PPP2R5B: variants seen among roughly 807,000 people sequenced by gnomAD.
PPP2R5B encodes the protein protein phosphatase 2 regulatory subunit B'beta, also known as serine/threonine-protein phosphatase 2A 56 kDa regulatory subunit beta isoform.
A neutral mutation model predicts 59.9 loss-of-function variants in PPP2R5B; 19 were observed. The ratio of observed to expected loss-of-function variants is 0.32; its 90% CI spans 0.22 to 0.47. The LOEUF is 0.47. Ranked by LOEUF, PPP2R5B falls within the 20% of genes least tolerant of loss-of-function variation. The pLI is 1.00. For synonymous variants in PPP2R5B, 286 were observed against 260.5 expected, an observed-to-expected ratio of 1.10 and a Z score of -0.94; for missense variants, 441 against 640.2, an observed-to-expected ratio of 0.69 and a Z score of 3.36.
chr11:64,933,622 G>C (rs1298371207), intron 13 of PPP2R5B, 75 bp from the exon 14 acceptor site: 2 of 1,464,668 alleles, frequency 1.4e-6, no homozygotes, highest in African/African-American at 2.9e-5. Flanking sequence ...GTGGTAGTGA[G>C]GGAGTCTGGA....
chr11:64,919,079 G>A (rs887745658), intron 1 of PPP2R5B, among the ~76,000 whole-genome samples: 2 of 152,294 alleles, frequency 1.3e-5, no homozygotes, highest in African/African-American at 2.4e-5. Flanking sequence ...GGTGGCTCAT[G>A]CCTGTAATCC....
upstream of PPP2R5B, among the ~76,000 whole-genome samples, chr11:64,920,116 A>G (rs1945096722): frequency 3.9e-5 from 6 of 152,170 alleles, no homozygotes. Context: ...CACCTCAAAA[A>G]CAAAAAAAGG....
rs144581173 is a variant in PPP2R5B, at chr11:64,926,998, C to A, written c.396+90C>A. The A allele has an allele frequency of 4.4e-4, 638 of 1,440,108 alleles. 4 individuals carry two copies. In the East Asian group the frequency reaches 0.015, roughly 33 times the overall value. The allele number at this position is 1,440,108 out of a possible 1,614,324, so 89.2% of individuals were successfully genotyped here. On this transcript the variant is annotated intron_variant, in intron 3 of 13. Transcript: ENST00000164133. ...CGCAGGACCCCTGCGTGGAGAATAA[C>A]CCTGTACTCATCGGCTTGGCCTCAG...
At chr11:64,930,705 T>G (rs1040944387) in intron 8 of PPP2R5B, 116 bp downstream of exon 8, 2 of 857,544 alleles carry the variant, frequency 2.3e-6, no homozygotes, top group African/African-American at 3.4e-5. Flanking sequence ...TCTTTATAAT[T>G]CTGTTCCATC....
At chr11:64,927,082 C>G (rs1435497058) in intron 3 of PPP2R5B, among the ~76,000 whole-genome samples, 174 bp downstream of exon 3, 1 of 152,120 alleles carries the variant, frequency 6.6e-6, no homozygotes, top group East Asian at 1.9e-4. Context: ...TGCCTCCGGG[C>G]CTGCCCCACG....
In PPP2R5B at chr11:64,925,678, C is replaced by T. The variant is rs1490669127; in HGVS notation, c.-57C>T. The T allele has an allele frequency of 9.4e-7, 1 of 1,059,350 alleles. No individual in the cohort carries two copies. 65.6% of individuals were successfully genotyped at this position (1,059,350 alleles called of 1,614,324 possible). On this transcript the variant is annotated 5_prime_UTR_variant, in exon 2 of 14. Transcript: ENST00000164133. The surrounding 1 kb of genome is among the most constrained non-coding windows in gnomAD (Gnocchi z 4.6). ...GTCTGTCCAGTCTCACCCAGCACCT[C>T]CCAGGCCCAGAGAGAACCCCCGGGG...
intron 12 of PPP2R5B, 81 bp downstream of exon 12, chr11:64,932,973 A>G: frequency 6.4e-7 from 1 of 1,573,926 alleles, no homozygotes; most frequent in South Asian, 1.1e-5. Context: ...GGTTACTCCT[A>G]GCTGGAGAAT....
At position 64,930,518 on chromosome 11, in the gene PPP2R5B, C is replaced by A. The variant is rs1565104242; in HGVS notation, c.820C>A (p.His274Asn). ...NGFALPLKTE[H>N]KQFLVRVLIP... ...CTTTGCGCTGCCCCTGAAGACGGAG[C>A]ACAAGCAGTTCCTGGTTCGCGTCCT... The change falls in exon 8 of 14, where the codon CAC (histidine) becomes AAC (asparagine). Residue 274 changes from histidine (H) to asparagine (N), a missense_variant. Around this residue, in one of 3 missense-constraint regions of PPP2R5B, gnomAD observed 268 missense variants for 488.1 expected, o/e 0.55. Transcript: ENST00000164133. 1.2e-6 allele frequency: 2 copies of A among 1,614,198 alleles called. No homozygotes were observed.
intron 6 of PPP2R5B, 112 bp from the exon 7 acceptor site, chr11:64,930,208 TGG>T: frequency 1.7e-6 from 2 of 1,173,302 alleles, no homozygotes; most frequent in African/African-American, 1.5e-5. Flanking sequence ...GCCTCTGGGT[TGG>T]GGGAGAGTTG....
chr11:64,933,484 G>T (rs1346371709), intron 13 of PPP2R5B, among the ~76,000 whole-genome samples: 1 of 152,150 alleles, frequency 6.6e-6, no homozygotes, highest in Non-Finnish European at 1.5e-5. Context: ...AACCACTCAG[G>T]CCCCACCCGT....
upstream of PPP2R5B, among the ~76,000 whole-genome samples, chr11:64,923,288 C>T (rs1300588879): frequency 1.3e-5 from 2 of 152,240 alleles, no homozygotes; most frequent in African/African-American, 4.8e-5. Flanking sequence ...TGACACTGGG[C>T]AAGGCGCTTC....
chr11:64,931,310 T>C lies in PPP2R5B; in HGVS notation c.892-126T>C, dbSNP rs1304533958. ...TACATCCTAGGCAGGTGATAAATGC[T>C]TGGTGAATAAGAAAGTAACAGGCCG... On this transcript the variant is annotated intron_variant, in intron 8 of 13. Transcript: ENST00000164133. This position sits in a 1 kb window ranked among gnomAD's most constrained non-coding sequence, Gnocchi z 5.0. 4 of 1,028,030 alleles carry C rather than the reference T, an allele frequency of 3.9e-6. No individual in the cohort carries two copies. Among genetic ancestry groups the C allele is most frequent in the Admixed American group, 4.0e-5 (2 of 49,942 alleles). 63.7% of individuals were successfully genotyped at this position (1,028,030 alleles called of 1,614,324 possible).
upstream of PPP2R5B, among the ~76,000 whole-genome samples, chr11:64,922,739 G>C (rs1945121132): frequency 6.6e-6 from 1 of 151,858 alleles, no homozygotes; most frequent in African/African-American, 2.4e-5. Context: ...GCTGGGCTTG[G>C]TGGTGGGCGC....
chr11:64,928,806 C>A (rs1451136636), intron 6 of PPP2R5B, among the ~76,000 whole-genome samples: 2 of 152,156 alleles, frequency 1.3e-5, no homozygotes, highest in Admixed American at 1.3e-4. Context: ...ATGGCGTGAA[C>A]CCGGGAAGCG....
chr11:64,918,143 G>C (rs891711639), intron 1 of PPP2R5B: 1 of 152,188 alleles, frequency 6.6e-6, no homozygotes, highest in Non-Finnish European at 1.5e-5. Flanking sequence ...ACGTTTTAGT[G>C]TCACACAGTC....
rs1945259569 is a variant in PPP2R5B at position 64,934,041 on chromosome 11, C to G, written c.*197C>G. Reference sequence around the variant, plus strand: ...TGGTCTTGGCAACAGAATGCTCAGCCCCTCGTGGCAGGACTTGACAAGGGC... The same window carrying G: ...TGGTCTTGGCAACAGAATGCTCAGCGCCTCGTGGCAGGACTTGACAAGGGC... On this transcript the variant is annotated 3_prime_UTR_variant, in exon 14 of 14. Transcript: ENST00000164133. 5 of 622,308 alleles carry G rather than the reference C, an allele frequency of 8.0e-6. No individual in the cohort carries two copies. The highest frequency in any genetic ancestry group is 4.8e-4 in the Middle Eastern group (1 of 2,076). The allele number at this position is 622,308 out of a possible 1,614,324, so 38.5% of individuals were successfully genotyped here.
intron 6 of PPP2R5B, among the ~76,000 whole-genome samples, 193 bp downstream of exon 6, chr11:64,928,618 A>T (rs1945194770): frequency 6.6e-6 from 1 of 152,266 alleles, no homozygotes; most frequent in African/African-American, 2.4e-5. Flanking sequence ...CTCTAATAAA[A>T]ATACAAACAT....
At position 64,931,161 on chromosome 11, in the gene PPP2R5B, G is replaced by A. The variant is rs532385205; in HGVS notation, c.892-275G>A. Among the ~76,000 whole-genome samples, 24 of 152,180 alleles carry A rather than the reference G, an allele frequency of 1.6e-4. No individual in the cohort carries two copies. In the East Asian group the frequency reaches 3.9e-3, roughly 25 times the overall value. The stretch of plus-strand genomic sequence containing the variant: ...CTCCCAAAGTGCTTGGATTACAGGC[G>A]TGAGCCACCACACTAGCCATATTAT... On this transcript the variant is annotated intron_variant, in intron 8 of 13. Transcript: ENST00000164133. This position sits in a 1 kb window ranked among gnomAD's most constrained non-coding sequence, Gnocchi z 5.0.
chr11:64,933,979 C>G lies in PPP2R5B; in HGVS notation c.*135C>G. On this transcript the variant is annotated 3_prime_UTR_variant, in exon 14 of 14. Coordinates refer to ENST00000164133, the MANE Select transcript of PPP2R5B (RefSeq NM_006244.4). Reference sequence around the variant, plus strand: ...GGCTTCTGAGGACTCCCTGCCCAGCCCAGCTTTCACTGGGGGGAGACGAGG... The same window carrying G: ...GGCTTCTGAGGACTCCCTGCCCAGCGCAGCTTTCACTGGGGGGAGACGAGG... 1 of 1,102,800 alleles carries G rather than the reference C, an allele frequency of 9.1e-7. No individual in the cohort carries two copies. The highest frequency in any genetic ancestry group is 1.2e-6 in the Non-Finnish European group (1 of 825,100). 68.3% of individuals were successfully genotyped at this position (1,102,800 alleles called of 1,614,324 possible). A position where few individuals can be genotyped will look rare whatever the true frequency, so the allele number is the denominator to read the frequency against.
Sources: gnomAD v4.1 joint callset for allele counts (sites outside exome capture counted in the v4.1 genomes callset) on GRCh38, gnomAD v4.1.1 for gene constraint, gnomAD v4.1.1 regional missense constraint, Gnocchi (gnomAD v3.1) non-coding constraint, MANE v1.5 for transcripts, NCBI Gene and HGNC (gene_info 2026-07-23, HGNC 2026-07-21) for gene names.